SRGAP1: variants seen among roughly 807,000 people sequenced by gnomAD.
SRGAP1 encodes SLIT-ROBO Rho GTPase activating protein 1, also known as SLIT-ROBO Rho GTPase-activating protein 1.
Under a neutral mutation model 121.9 loss-of-function variants are expected in SRGAP1, and 43 were observed. The ratio of observed to expected loss-of-function variants is 0.35; its 90% CI spans 0.28 to 0.46. The LOEUF is 0.46. Ranked by LOEUF, SRGAP1 falls within the 20% of genes least tolerant of loss-of-function variation. SRGAP1 has a pLI of 1.00. For missense variants in SRGAP1, 1,102 were observed against 1,350.9 expected, an observed-to-expected ratio of 0.82 and a Z score of 2.89; for synonymous variants, 447 against 485.4, an observed-to-expected ratio of 0.92 and a Z score of 1.04.
intron 1 of SRGAP1, among the ~76,000 whole-genome samples, chr12:63,939,309 C>T (rs944185207): frequency 1.3e-5 from 2 of 152,002 alleles, no homozygotes; most frequent in East Asian, 1.9e-4. Flanking sequence ...AGGAGTAATA[C>T]TCAACCTCCC....
At chr12:64,131,748 C>T (rs141773702) in intron 21 of SRGAP1, among the ~76,000 whole-genome samples, 4,719 of 152,262 alleles carry the variant, frequency 0.031, 76 homozygotes, top group Middle Eastern at 0.11. Context: ...GTGCACGACC[C>T]GCTTTATGGC....
intron 4 of SRGAP1, among the ~76,000 whole-genome samples, chr12:64,029,803 C>G (rs1415626713): frequency 2.7e-5 from 3 of 111,442 alleles, no homozygotes; most frequent in Non-Finnish European, 3.8e-5. Context: ...TCGAGACCAG[C>G]AGGCTGAGGC....
intron 1 of SRGAP1, among the ~76,000 whole-genome samples, chr12:63,929,127 CT>C (rs2031369253): frequency 6.6e-6 from 1 of 152,148 alleles, no homozygotes; most frequent in African/African-American, 2.4e-5. Context: ...GAACCAAACA[CT>C]TAAGGTCTGT....
At position 64,004,129 on chromosome 12, in the gene SRGAP1, C is replaced by A. The variant is rs567508711; in HGVS notation, c.427-12821C>A. ...CTAGCTGAGAAACATTAATGTAAGTCAATTGAGTCTTCCATCCTAGTTTTT... is the reference window on the plus strand; with the variant it reads ...CTAGCTGAGAAACATTAATGTAAGTAAATTGAGTCTTCCATCCTAGTTTTT... On this transcript the variant is annotated intron_variant, in intron 3 of 21. Transcript: ENST00000355086. Among the ~76,000 whole-genome samples the A allele has an allele frequency of 9.2e-5, 14 of 152,212 alleles. No homozygotes were observed. In the South Asian group the frequency reaches 2.3e-3, roughly 25 times the overall value.
chr12:64,127,201 C>T (rs1419034069), intron 19 of SRGAP1, among the ~76,000 whole-genome samples: 6 of 152,160 alleles, frequency 3.9e-5, no homozygotes, highest in Non-Finnish European at 5.9e-5. Flanking sequence ...TTTCTCAGAA[C>T]GTATCCTCGC....
intron 21 of SRGAP1, among the ~76,000 whole-genome samples, chr12:64,129,877 A>T (rs1453266098): frequency 1.3e-5 from 2 of 152,254 alleles, no homozygotes; most frequent in South Asian, 2.1e-4. Context: ...TGACAATTAC[A>T]GTCCCTGTTT....
intron 1 of SRGAP1, among the ~76,000 whole-genome samples, chr12:63,884,978 C>G (rs956909795): frequency 6.6e-6 from 1 of 152,060 alleles, no homozygotes; most frequent in African/African-American, 2.4e-5. Context: ...CCTCGGCCTC[C>G]CAAAGTGCTG....
chr12:63,893,251 G>C (rs1900647116), intron 1 of SRGAP1, among the ~76,000 whole-genome samples: 1 of 152,150 alleles, frequency 6.6e-6, no homozygotes, highest in Non-Finnish European at 1.5e-5. Context: ...TTACTTTTCA[G>C]CTATAGTAAA....
At chr12:64,017,793 C>T (rs1285899007) in intron 4 of SRGAP1, among the ~76,000 whole-genome samples, 1 of 150,062 alleles carries the variant, frequency 6.7e-6, no homozygotes, top group Admixed American at 6.7e-5. Flanking sequence ...TGAAGGATAT[C>T]TTTTTTTTTG....
At chr12:64,113,611 T>C (rs2036468823) in intron 17 of SRGAP1, among the ~76,000 whole-genome samples, 2 of 152,202 alleles carry the variant, frequency 1.3e-5, no homozygotes, top group African/African-American at 4.8e-5. Flanking sequence ...AAATATCACA[T>C]GTACCCCTAA....
chr12:63,844,984 G>C lies in SRGAP1; in HGVS notation c.67+101G>C. On this transcript the variant is annotated intron_variant, in intron 1 of 21. Coordinates refer to ENST00000355086, the MANE Select transcript of SRGAP1 (RefSeq NM_020762.4). This position sits in a 1 kb window ranked among gnomAD's most constrained non-coding sequence, Gnocchi z 4.3. ...TTGGTGTCTGCGTGGGAGGAAGGTG[G>C]TGAGGGGACAGCTCGAGCCCTGTCT... The C allele has an allele frequency of 8.2e-7, 1 of 1,214,070 alleles. No individual in the cohort carries two copies. Among genetic ancestry groups the C allele is most frequent in the African/African-American group, 1.5e-5 (1 of 66,954 alleles). 75.2% of individuals were successfully genotyped at this position (1,214,070 alleles called of 1,614,324 possible). A position where few individuals can be genotyped will look rare whatever the true frequency, so the allele number is the denominator to read the frequency against.
chr12:64,064,944 T>C (rs1468569345), intron 7 of SRGAP1, among the ~76,000 whole-genome samples, 174 bp from the exon 8 acceptor site: 1 of 152,232 alleles, frequency 6.6e-6, no homozygotes, highest in African/African-American at 2.4e-5. Context: ...TATTGCAGCT[T>C]ATGTAACAGC....
At chr12:63,890,442 G>A (rs548826136) in intron 1 of SRGAP1, among the ~76,000 whole-genome samples, 1 of 152,224 alleles carries the variant, frequency 6.6e-6, no homozygotes, top group South Asian at 2.1e-4. Context: ...CCACAGTGGA[G>A]GAAAAAAACC....
At chr12:64,131,059 G>A (rs1162168574) in intron 21 of SRGAP1, among the ~76,000 whole-genome samples, 2 of 152,154 alleles carry the variant, frequency 1.3e-5, no homozygotes, top group Non-Finnish European at 2.9e-5. Context: ...ATGTTGCTGA[G>A]CCCATGAGTA....
intron 1 of SRGAP1, among the ~76,000 whole-genome samples, chr12:63,864,259 A>G (rs1899549727): frequency 6.6e-6 from 1 of 152,208 alleles, no homozygotes; most frequent in Admixed American, 6.5e-5. Flanking sequence ...GAAATAATGT[A>G]CAGAAAGCCT....
At chr12:64,108,357 A>G (rs1234218874) in intron 15 of SRGAP1, among the ~76,000 whole-genome samples, 1 of 152,188 alleles carries the variant, frequency 6.6e-6, no homozygotes, top group Admixed American at 6.6e-5. Flanking sequence ...CATGCATCAT[A>G]TGAAGGCAGG....
intron 1 of SRGAP1, among the ~76,000 whole-genome samples, chr12:63,870,556 T>G: frequency 7.4e-6 from 1 of 134,710 alleles, no homozygotes; most frequent in Non-Finnish European, 1.5e-5. Flanking sequence ...TTTTTTTTTT[T>G]TGAGAGAGTC....
intron 1 of SRGAP1, chr12:63,983,489 A>C (rs2136407885): frequency 6.6e-6 from 1 of 152,274 alleles, no homozygotes; most frequent in South Asian, 2.1e-4. Flanking sequence ...GTCAGCAGAT[A>C]ACTTATTTTA....
intron 1 of SRGAP1, among the ~76,000 whole-genome samples, chr12:63,963,591 A>T (rs2032703785): frequency 6.6e-6 from 1 of 152,186 alleles, no homozygotes; most frequent in East Asian, 1.9e-4. Flanking sequence ...ACAATAATGT[A>T]TTGTTAACTG....
Sources: allele counts gnomAD v4.1 joint callset (sites outside exome capture counted in the v4.1 genomes callset), GRCh38; gene constraint gnomAD v4.1.1; non-coding constraint Gnocchi (gnomAD v3.1); transcripts MANE v1.5; gene names NCBI Gene and HGNC (gene_info 2026-07-23, HGNC 2026-07-21).